NAV3: variants seen among roughly 807,000 people sequenced by gnomAD.
NAV3 encodes the protein neuron navigator 3.
A neutral mutation model predicts 244.7 loss-of-function variants in NAV3; 87 were observed. The observed-to-expected ratio is 0.36, with a 90% CI of 0.30 to 0.42. The LOEUF is 0.42. Ranked by LOEUF, NAV3 falls within the 20% of genes least tolerant of loss-of-function variation. NAV3 has a pLI of 1.00. For synonymous variants in NAV3, 1,126 were observed against 1,042.2 expected, an observed-to-expected ratio of 1.08 and a Z score of -1.55; for missense variants, 2,663 against 2,893.3, an observed-to-expected ratio of 0.92 and a Z score of 1.83.
At chr12:78,117,868 G>A (rs1955489580) in intron 13 of NAV3, among the ~76,000 whole-genome samples, 159 bp from the exon 14 acceptor site, 1 of 152,146 alleles carries the variant, frequency 6.6e-6, no homozygotes, top group Admixed American at 6.5e-5. Context: ...ATATCTGCAA[G>A]TGGGAATTAT....
At chr12:77,657,442 A>C (rs1873174744) in intron 2 of NAV3, among the ~76,000 whole-genome samples, 1 of 152,270 alleles carries the variant, frequency 6.6e-6, no homozygotes, top group Admixed American at 6.5e-5. Context: ...CAATAACAGG[A>C]GCTGAAATTG....
chr12:77,855,244 A>T (rs999106284), intron 1 of NAV3, among the ~76,000 whole-genome samples: 7 of 152,242 alleles, frequency 4.6e-5, no homozygotes, highest in African/African-American at 1.7e-4. Flanking sequence ...CTAAATATTT[A>T]TACAGTTATC....
At chr12:78,207,696 A>G (rs11108748) in intron 39 of NAV3, among the ~76,000 whole-genome samples, 3,600 of 152,274 alleles carry the variant, frequency 0.024, 119 homozygotes, top group African/African-American at 0.08. Flanking sequence ...GGAACTATAC[A>G]CCAGTTGGTG....
At chr12:77,791,004 A>G (rs1489959697) in intron 2 of NAV3, among the ~76,000 whole-genome samples, 2 of 152,244 alleles carry the variant, frequency 1.3e-5, no homozygotes, top group East Asian at 3.9e-4. Flanking sequence ...CAACAACAAC[A>G]AAGCAGGAAG....
intron 1 of NAV3, among the ~76,000 whole-genome samples, chr12:77,910,270 G>C (rs1336804082): frequency 6.6e-6 from 1 of 152,058 alleles, no homozygotes; most frequent in Non-Finnish European, 1.5e-5. Context: ...GGTGGAAGGT[G>C]AAGGGGGAGC....
intron 19 of NAV3, 150 bp from the exon 20 acceptor site, chr12:78,140,132 A>C (rs1956543726): frequency 3.0e-6 from 2 of 656,834 alleles, no homozygotes; most frequent in African/African-American, 1.8e-5. Flanking sequence ...TGACTGCCAA[A>C]AAATTATAGC....
intron 2 of NAV3, among the ~76,000 whole-genome samples, chr12:77,740,908 A>G (rs1868316630): frequency 6.6e-6 from 1 of 151,994 alleles, no homozygotes; most frequent in Non-Finnish European, 1.5e-5. Flanking sequence ...TACACCAAGC[A>G]TGGTGTAAGT....
At chr12:78,185,861 A>T (rs1958692256) in intron 31 of NAV3, among the ~76,000 whole-genome samples, 163 bp downstream of exon 31, 1 of 151,892 alleles carries the variant, frequency 6.6e-6, no homozygotes, top group South Asian at 2.1e-4. Flanking sequence ...TAAAATGATG[A>T]CATCATCATA....
At chr12:77,850,918 A>G (rs1877416239) in intron 1 of NAV3, among the ~76,000 whole-genome samples, 1 of 152,286 alleles carries the variant, frequency 6.6e-6, no homozygotes, top group East Asian at 1.9e-4. Flanking sequence ...ACTATTGCTC[A>G]TATTCTGCAC....
intron 5 of NAV3, among the ~76,000 whole-genome samples, chr12:77,986,773 G>T (rs1033830528): frequency 6.6e-6 from 1 of 152,100 alleles, no homozygotes; most frequent in South Asian, 2.1e-4. Context: ...ATAGAGAGGA[G>T]ATACAAATAC....
chr12:78,171,907 T>G (rs1427246362), intron 24 of NAV3, among the ~76,000 whole-genome samples: 1 of 151,600 alleles, frequency 6.6e-6, no homozygotes, highest in African/African-American at 2.4e-5. Context: ...TGTTTCTATT[T>G]CCTCTAAATT....
chr12:77,653,016 C>T (rs1872897973), intron 2 of NAV3, among the ~76,000 whole-genome samples: 1 of 151,458 alleles, frequency 6.6e-6, no homozygotes, highest in African/African-American at 2.5e-5. Flanking sequence ...AAAAATATTA[C>T]CTAGTCAAAT....
intron 8 of NAV3, among the ~76,000 whole-genome samples, chr12:78,014,660 C>T (rs1289843045): frequency 6.6e-6 from 1 of 152,000 alleles, no homozygotes; most frequent in East Asian, 1.9e-4. Flanking sequence ...GTGGAGAATG[C>T]AAAACATTAG....
chr12:78,102,806 C>A (rs1954603286), intron 12 of NAV3, among the ~76,000 whole-genome samples: 1 of 152,218 alleles, frequency 6.6e-6, no homozygotes, highest in Admixed American at 6.5e-5. Context: ...AAACCACAGG[C>A]TGAGCTATAC....
intron 1 of NAV3, among the ~76,000 whole-genome samples, chr12:77,863,425 A>G (rs1879544532): frequency 6.6e-6 from 1 of 151,806 alleles, no homozygotes; most frequent in South Asian, 2.1e-4. Flanking sequence ...CTTTATAGTC[A>G]CTATTTGATG....
At chr12:77,934,953 A>AACTTCAATGAAGAGG (rs1889183980) in intron 1 of NAV3, among the ~76,000 whole-genome samples, 1 of 152,128 alleles carries the variant, frequency 6.6e-6, no homozygotes, top group Non-Finnish European at 1.5e-5. Flanking sequence ...ACAGACTTTT[A>AACTTCAATGAAGAGG]ACTTCAATGA....
At chr12:77,806,358 A>G (rs1034389039) in intron 2 of NAV3, among the ~76,000 whole-genome samples, 2 of 152,168 alleles carry the variant, frequency 1.3e-5, no homozygotes, top group African/African-American at 4.8e-5. Flanking sequence ...AGATTCTAGT[A>G]CATTGTGTCT....
At chr12:78,202,791 G>A (rs1346251473) in intron 38 of NAV3, among the ~76,000 whole-genome samples, 2 of 151,996 alleles carry the variant, frequency 1.3e-5, no homozygotes, top group Non-Finnish European at 2.9e-5. Flanking sequence ...CATTGCTATT[G>A]AAGACTATGC....
Position 77,796,699 on chromosome 12 carries a change from C to T in NAV3, c.73-143620C>T, listed in dbSNP as rs192126381. Among the ~76,000 whole-genome samples, 120 of 152,308 alleles carry T rather than the reference C, an allele frequency of 7.9e-4. No individual in the cohort carries two copies. The Middle Eastern group carries it at 0.017, about 22-fold the overall frequency. On this transcript the variant is annotated intron_variant, in intron 2 of 8. Coordinates refer to the NAV3 transcript ENST00000550042. ...TTATATTAAGAGATTACCACAGCCA[C>T]CCCAACCTTTAGCAATCACCACCTT... is the stretch of plus-strand genomic sequence containing the variant.
Sources: allele counts gnomAD v4.1 joint callset (sites outside exome capture counted in the v4.1 genomes callset), GRCh38; gene constraint gnomAD v4.1.1; transcripts MANE v1.5; gene names NCBI Gene and HGNC (gene_info 2026-07-23, HGNC 2026-07-21).